R3HDM2: variants seen among roughly 807,000 people sequenced by gnomAD.
R3HDM2 encodes R3H domain containing 2, also known as R3H domain-containing protein 2.
In R3HDM2, 38 loss-of-function variants were observed where a neutral mutation model predicts 124.5. The ratio of observed to expected loss-of-function variants is 0.31; its 90% CI spans 0.24 to 0.40. R3HDM2 has a LOEUF of 0.40. Among genes scored for constraint, R3HDM2 ranks in the 10% least tolerant of loss-of-function variants. The pLI is 1.00. For missense variants in R3HDM2, 869 were observed against 1,236.9 expected (o/e 0.70, Z 4.46); for synonymous variants, 391 against 448.0 (o/e 0.87, Z 1.61).
intron 1 of R3HDM2, among the ~76,000 whole-genome samples, chr12:57,396,651 C>T (rs573635473): frequency 1.3e-4 from 19 of 151,138 alleles, no homozygotes; most frequent in East Asian, 2.0e-4. Context: ...TGTTGGCGGG[C>T]GCCTGTAATC....
chr12:57,306,494 C>T (rs1270129135), intron 3 of R3HDM2, among the ~76,000 whole-genome samples: 2 of 151,478 alleles, frequency 1.3e-5, no homozygotes, highest in Non-Finnish European at 2.9e-5. Context: ...CTGCAACCTC[C>T]GCCTCCTGGG....
chr12:57,297,876 A>G (rs2050227384), intron 7 of R3HDM2: 2 of 570,236 alleles, frequency 3.5e-6, no homozygotes, highest in Non-Finnish European at 6.2e-6. Flanking sequence ...CTTCTTTCAC[A>G]GAAGTTTTCC....
At chr12:57,336,532 A>C (rs1331999255) in intron 2 of R3HDM2, among the ~76,000 whole-genome samples, 2 of 152,200 alleles carry the variant, frequency 1.3e-5, no homozygotes, top group African/African-American at 4.8e-5. Context: ...ATGAAGCTCA[A>C]GGCTATTATC....
intron 1 of R3HDM2, among the ~76,000 whole-genome samples, chr12:57,401,308 T>C (rs1346402606): frequency 6.7e-6 from 1 of 148,812 alleles, no homozygotes. Context: ...CAAGAGGCCG[T>C]TCAGTTTCCA....
chr12:57,258,546 C>T (rs1377670105), intron 20 of R3HDM2, among the ~76,000 whole-genome samples: 2 of 151,802 alleles, frequency 1.3e-5, no homozygotes, highest in East Asian at 1.9e-4. Flanking sequence ...GGTATCACCA[C>T]GTTGGTCTCA....
chr12:57,361,300 G>C (rs1156335757), intron 2 of R3HDM2, among the ~76,000 whole-genome samples: 1 of 146,820 alleles, frequency 6.8e-6, no homozygotes, highest in East Asian at 2.0e-4. Flanking sequence ...GCTGGAACCT[G>C]TGAGGAGGAG....
At chr12:57,282,155 C>CA (rs1461799197) in intron 13 of R3HDM2, among the ~76,000 whole-genome samples, 4 of 151,852 alleles carry the variant, frequency 2.6e-5, no homozygotes, top group African/African-American at 9.7e-5. Flanking sequence ...ACTAAAAATA[C>CA]AAAAAATTAG....
At position 57,266,801 on chromosome 12, in the gene R3HDM2, G is replaced by A; in HGVS notation, c.2061C>T (p.Gly687=). 6.2e-7 allele frequency: 1 copy of A among 1,609,954 alleles called. No individual in the cohort carries two copies. Among genetic ancestry groups the A allele is most frequent in the Non-Finnish European group, 8.5e-7 (1 of 1,176,510 alleles). The part of the protein sequence containing the change: ...SPSVGFLQPP[G]SEQYQMPQSP... ...ACTGAGGCATCTGGTACTGCTCAGA[G>A]CCAGGGGGTTGCAGAAACCCTACAG... The change falls in exon 19 of 24, where the codon GGC becomes GGT. Residue 687 remains glycine (G), a synonymous_variant. Coordinates refer to ENST00000402412, the MANE Select transcript of R3HDM2 (RefSeq NM_001394031.1).
intron 1 of R3HDM2, among the ~76,000 whole-genome samples, chr12:57,409,556 A>T (rs1336544541): frequency 6.6e-6 from 1 of 151,782 alleles, no homozygotes; most frequent in Non-Finnish European, 1.5e-5. Flanking sequence ...GCTGCAATAC[A>T]CAGAGAGCCT....
rs539795988 is a variant in R3HDM2, at chr12:57,270,312, T to C, written c.1345-318A>G. ...ATCCCAGCTCACTGCAACCTCCGCC[T>C]CCCAGGTTTAAGCAATTCTCGTGCC... On this transcript the variant is annotated intron_variant, in intron 14 of 23. Transcript: ENST00000402412. Among the ~76,000 whole-genome samples, 3 of 152,272 alleles carry C rather than the reference T, an allele frequency of 2.0e-5. No individual in the cohort carries two copies. In the East Asian group the frequency reaches 5.8e-4, roughly 29 times the overall value.
chr12:57,385,758 G>A (rs1378841904), intron 2 of R3HDM2, among the ~76,000 whole-genome samples: 1 of 151,984 alleles, frequency 6.6e-6, no homozygotes, highest in Non-Finnish European at 1.5e-5. Flanking sequence ...AGACATCTAA[G>A]AAGACACCTG....
Position 57,330,694 on chromosome 12 carries a change from C to T in R3HDM2, c.-35-20231G>A, listed in dbSNP as rs187485800. Among the ~76,000 whole-genome samples, 81 of 70,702 alleles carry T rather than the reference C, an allele frequency of 1.1e-3. 2 individuals carry two copies. The highest frequency in any genetic ancestry group is 1.6e-3 in the Admixed American group (8 of 5,126). 46.4% of individuals were successfully genotyped at this position (70,702 alleles called of 152,430 possible). On this transcript the variant is annotated intron_variant, in intron 2 of 23. Transcript: ENST00000402412. Reference sequence around the variant, plus strand: ...TTTTTGTGGCATCTTTAGGGCTTTTCTTTTTTTTTTTTTTTTTTTTTTGAG... The same window carrying T: ...TTTTTGTGGCATCTTTAGGGCTTTTTTTTTTTTTTTTTTTTTTTTTTTGAG...
In R3HDM2 at chr12:57,280,477, C is replaced by A. The variant is rs2045872389; in HGVS notation, c.1225G>T (p.Val409Phe). Residue 409 changes from valine to phenylalanine, a missense_variant, in exon 14 of 24, where the codon GTC becomes TTC. Transcript: ENST00000402412. The part of the protein sequence containing the change: ...VCNQVTSSQS[V>F]RGLLPCTAQQ... ...GCAGTACAAGGGAGAAGCCCCCGGA[C>A]AGACTGGGATGAGGTGACCTGGTTG... 6.2e-7 allele frequency: 1 copy of A among 1,614,022 alleles called. No individual in the cohort carries two copies. The highest frequency in any genetic ancestry group is 8.5e-7 in the Non-Finnish European group (1 of 1,179,912).
At chr12:57,415,635 T>A (rs2069514595) in intron 1 of R3HDM2, among the ~76,000 whole-genome samples, 1 of 149,030 alleles carries the variant, frequency 6.7e-6, no homozygotes, top group Non-Finnish European at 1.5e-5. Flanking sequence ...CTAGCAGATA[T>A]CAATTTAACC....
intron 1 of R3HDM2, among the ~76,000 whole-genome samples, chr12:57,423,280 C>A (rs1044338418): frequency 2.0e-5 from 3 of 151,770 alleles, no homozygotes; most frequent in African/African-American, 7.3e-5. Context: ...AAAAATTAGC[C>A]AGGCACGGTG....
intron 14 of R3HDM2, among the ~76,000 whole-genome samples, chr12:57,277,034 A>G (rs2044955089): frequency 6.6e-6 from 1 of 151,626 alleles, no homozygotes; most frequent in South Asian, 2.1e-4. Context: ...TCACCTCTAA[A>G]GAGCTCACTC....
chr12:57,424,816 C>T (rs2070567214), intron 1 of R3HDM2, among the ~76,000 whole-genome samples: 3 of 152,194 alleles, frequency 2.0e-5, no homozygotes, highest in South Asian at 4.1e-4. Flanking sequence ...GCAATCCTCC[C>T]GCCTCAGATT....
intron 19 of R3HDM2, 143 bp downstream of exon 19, chr12:57,266,585 AGAC>A (rs964546772): frequency 4.6e-6 from 3 of 647,580 alleles, no homozygotes; most frequent in Non-Finnish European, 8.3e-6. Flanking sequence ...ACACCAGCTA[AGAC>A]TGTTTTTTCT....
rs190138187 is a variant in R3HDM2, at chr12:57,255,940, G to A, written c.2632+50C>T. Reference sequence around the variant, plus strand: ...ACCCATGCTGGACTGGTAATTAAGCGCTGGAAGGGTGGGCACCTTCTCTTG... The same window carrying A: ...ACCCATGCTGGACTGGTAATTAAGCACTGGAAGGGTGGGCACCTTCTCTTG... On this transcript the variant is annotated intron_variant, in intron 23 of 23. Coordinates refer to ENST00000402412, the MANE Select transcript of R3HDM2 (RefSeq NM_001394031.1). 3.2e-4 allele frequency: 492 copies of A among 1,520,692 alleles called. 8 individuals carry two copies. In the Admixed American group the frequency reaches 7.5e-3, roughly 23 times the overall value. The allele number at this position is 1,520,692 out of a possible 1,614,324, so 94.2% of individuals were successfully genotyped here.
Sources: allele counts gnomAD v4.1 joint callset (sites outside exome capture counted in the v4.1 genomes callset), GRCh38; gene constraint gnomAD v4.1.1; transcripts MANE v1.5; gene names NCBI Gene and HGNC (gene_info 2026-07-23, HGNC 2026-07-21).